The following STXBP5L variants were observed in gnomAD, a reference collection of about 807,000 sequenced individuals.
STXBP5L encodes the protein syntaxin binding protein 5L.
In STXBP5L, 65 loss-of-function variants were observed where a neutral mutation model predicts 144.5. The observed-to-expected ratio is 0.45, with a 90% CI of 0.37 to 0.55. STXBP5L has a LOEUF of 0.55. STXBP5L is among the 20% of genes least tolerant of loss of function. The probability of loss-of-function intolerance (pLI) is 0.00; values close to 1 mark genes in which losing one functional copy is unlikely to be tolerated. For missense variants in STXBP5L, 1,298 were observed against 1,405.5 expected (o/e 0.92, Z 1.22); for synonymous variants, 505 against 469.6 (o/e 1.08, Z -0.97).
chr3:121,353,501 T>C (rs2108618664), intron 20 of STXBP5L, among the ~76,000 whole-genome samples: 1 of 152,296 alleles, frequency 6.6e-6, no homozygotes, highest in Non-Finnish European at 1.5e-5. Flanking sequence ...CAAAGGTAGT[T>C]TGTGTTTCTA....
intron 7 of STXBP5L, among the ~76,000 whole-genome samples, chr3:121,126,656 A>G (rs2044716615): frequency 1.3e-5 from 2 of 152,202 alleles, no homozygotes; most frequent in African/African-American, 4.8e-5. Context: ...ACTTCCTTTG[A>G]GGGCACTTGT....
chr3:121,149,917 T>G (rs1232454833), intron 7 of STXBP5L, among the ~76,000 whole-genome samples: 1 of 152,086 alleles, frequency 6.6e-6, no homozygotes, highest in African/African-American at 2.4e-5. Context: ...ATTAAAACAT[T>G]TTCAGTTTTT....
chr3:121,074,592 C>T (rs1465587349), intron 5 of STXBP5L, among the ~76,000 whole-genome samples: 1 of 152,156 alleles, frequency 6.6e-6, no homozygotes, highest in Non-Finnish European at 1.5e-5. Context: ...CTGTCTTCCA[C>T]CCAGACCCCT....
chr3:121,374,816 A>G (rs2046134899), intron 20 of STXBP5L, among the ~76,000 whole-genome samples: 1 of 152,100 alleles, frequency 6.6e-6, no homozygotes, highest in South Asian at 2.1e-4. Flanking sequence ...GAAAGAAGAA[A>G]GAATGAGAAG....
intron 20 of STXBP5L, among the ~76,000 whole-genome samples, chr3:121,346,714 A>G (rs2045003907): frequency 6.6e-6 from 1 of 152,158 alleles, no homozygotes; most frequent in Non-Finnish European, 1.5e-5. Flanking sequence ...GGTGATGAGC[A>G]TTTTTGTATG....
At chr3:121,236,728 T>A (rs1486093105) in intron 12 of STXBP5L, among the ~76,000 whole-genome samples, 1 of 152,190 alleles carries the variant, frequency 6.6e-6, no homozygotes, top group Non-Finnish European at 1.5e-5. Flanking sequence ...TCCAATAGTC[T>A]CAAAAGTCTT....
chr3:120,937,258 T>C (rs1710311487), intron 2 of STXBP5L, among the ~76,000 whole-genome samples: 1 of 152,210 alleles, frequency 6.6e-6, no homozygotes, highest in African/African-American at 2.4e-5. Flanking sequence ...TATTTCAAAA[T>C]GACTCCTTTT....
intron 18 of STXBP5L, among the ~76,000 whole-genome samples, chr3:121,271,210 T>G (rs2050725577): frequency 6.6e-6 from 1 of 152,240 alleles, no homozygotes; most frequent in Non-Finnish European, 1.5e-5. Flanking sequence ...GTTTACTATA[T>G]AAGTATGAAA....
chr3:121,096,104 A>C (rs539048138), intron 5 of STXBP5L, among the ~76,000 whole-genome samples: 1 of 148,758 alleles, frequency 6.7e-6, no homozygotes, highest in Non-Finnish European at 1.5e-5. Context: ...TGTACCCACT[A>C]TCCTGCCCCC....
At chr3:121,054,257 T>C (rs1165459010) in intron 5 of STXBP5L, among the ~76,000 whole-genome samples, 1 of 152,060 alleles carries the variant, frequency 6.6e-6, no homozygotes, top group Non-Finnish European at 1.5e-5. Context: ...ACCCAAAGGA[T>C]TATAAATCAT....
intron 3 of STXBP5L, among the ~76,000 whole-genome samples, chr3:120,999,530 C>T (rs1006077176): frequency 6.6e-6 from 1 of 152,142 alleles, no homozygotes; most frequent in Non-Finnish European, 1.5e-5. Flanking sequence ...ATCTAATTGA[C>T]TATGCTGTGC....
chr3:121,232,702 C>T (rs1345440206), intron 11 of STXBP5L, among the ~76,000 whole-genome samples: 4 of 152,158 alleles, frequency 2.6e-5, no homozygotes, highest in Non-Finnish European at 4.4e-5. Flanking sequence ...AAGCCAAACA[C>T]TGAAGCAGCA....
At chr3:121,365,278 G>A (rs1214221799) in intron 20 of STXBP5L, among the ~76,000 whole-genome samples, 1 of 151,828 alleles carries the variant, frequency 6.6e-6, no homozygotes, top group African/African-American at 2.4e-5. Flanking sequence ...TGGCCTTATA[G>A]ATTGAGTTAG....
rs185871678 is a variant in STXBP5L at position 121,290,800 on chromosome 3, G to A, written c.2110+10844G>A. On this transcript the variant is annotated intron_variant, in intron 19 of 26. Coordinates refer to ENST00000471454, the MANE Select transcript of STXBP5L (RefSeq NM_001308330.2). Reference sequence around the variant, plus strand: ...ACATCACGAAACAAAATTTAAAATCGTATGATCATCTCAATAGATGCAGAA... The same window carrying A: ...ACATCACGAAACAAAATTTAAAATCATATGATCATCTCAATAGATGCAGAA... 1.5e-3 allele frequency among the ~76,000 whole-genome samples: 224 copies of A among 151,488 alleles called. 3 individuals carry two copies. Among genetic ancestry groups the A allele is most frequent in the African/African-American group, 4.0e-3 (164 of 41,422 alleles).
intron 2 of STXBP5L, among the ~76,000 whole-genome samples, chr3:120,953,511 T>G (rs114536882): frequency 0.099 from 14,813 of 150,064 alleles, 1,187 homozygotes; most frequent in Admixed American, 0.2. Flanking sequence ...CCTTTTTTTT[T>G]TTTTTTTGTA....
chr3:121,373,366 CT>C (rs2046088457), intron 20 of STXBP5L, among the ~76,000 whole-genome samples: 2 of 152,198 alleles, frequency 1.3e-5, no homozygotes, highest in African/African-American at 4.8e-5. Flanking sequence ...GTATAAGGAG[CT>C]TCCTGGAGTC....
chr3:120,970,770 T>C (rs963169994), intron 3 of STXBP5L, among the ~76,000 whole-genome samples: 2 of 152,166 alleles, frequency 1.3e-5, no homozygotes, highest in African/African-American at 4.8e-5. Flanking sequence ...CCAGGTCTTT[T>C]TCTTCGTGTC....
At chr3:121,216,338 G>A (rs901463065) in intron 10 of STXBP5L, among the ~76,000 whole-genome samples, 2 of 151,926 alleles carry the variant, frequency 1.3e-5, no homozygotes, top group African/African-American at 4.8e-5. Context: ...TTTACCTTTG[G>A]TCTTGGTGAC....
chr3:121,188,882 C>T (rs866990961), intron 9 of STXBP5L, among the ~76,000 whole-genome samples: 7 of 152,272 alleles, frequency 4.6e-5, no homozygotes, highest in Middle Eastern at 6.8e-3. Flanking sequence ...GGAAGCATTC[C>T]CTTTGAAAAC....
Sources: gnomAD v4.1 joint callset for allele counts (sites outside exome capture counted in the v4.1 genomes callset) on GRCh38, gnomAD v4.1.1 for gene constraint, MANE v1.5 for transcripts, NCBI Gene and HGNC (gene_info 2026-07-23, HGNC 2026-07-21) for gene names.